Variants in ABCA3 observed in about 807,000 individuals in gnomAD.
ABCA3 encodes the protein phospholipid-transporting ATPase ABCA3.
In ABCA3, 88 loss-of-function variants were observed where a neutral mutation model predicts 172.8. That is an observed-to-expected ratio of 0.51 (90% CI 0.43 to 0.61). ABCA3 has a LOEUF of 0.61. Ranked by LOEUF, ABCA3 falls within the 20% of genes least tolerant of loss-of-function variation. The pLI is 0.00. For missense variants in ABCA3, 2,164 were observed against 2,301.0 expected (o/e 0.94, Z 1.22); for synonymous variants, 1,066 against 983.8 (o/e 1.08, Z -1.56).
chr16:2,315,813 G>A (rs2093714408), intron 10 of ABCA3, among the ~76,000 whole-genome samples: 1 of 149,296 alleles, frequency 6.7e-6, no homozygotes, highest in Non-Finnish European at 1.5e-5. Flanking sequence ...ACAGGGGCAT[G>A]CCACCACACC....
Position 2,277,611 on chromosome 16 carries a change from G to A in ABCA3, c.4969C>T (p.Leu1657Phe), listed in dbSNP as rs1596826285. 6.2e-7 allele frequency: 1 copy of A among 1,613,164 alleles called. No homozygotes were observed. The highest frequency in any genetic ancestry group is 1.3e-5 in the African/African-American group (1 of 75,064). The change falls in exon 32 of 33, where the codon CTC becomes TTC. Residue 1657 changes from leucine (L) to phenylalanine (F), a missense_variant. By Grantham distance (22) the Leu-to-Phe change is conservative. Transcript: ENST00000301732. The surrounding 1 kb of genome is among the most constrained non-coding windows in gnomAD (Gnocchi z 5.3). Reference sequence around the variant, plus strand: ...GACTGCCTCACCTTCGCCCAGCTGAGGTCACGGCCCGGCAGGTGGTAATGG... The same window carrying A: ...GACTGCCTCACCTTCGCCCAGCTGAAGTCACGGCCCGGCAGGTGGTAATGG... ...MVHYHLPGRD[L>F]SWAKVFGILE...
rs1280543306 is a variant in ABCA3 at position 2,329,779 on chromosome 16, C to T, written c.-463G>A. 2.0e-5 allele frequency: 3 copies of T among 152,288 alleles called. No homozygotes were observed. Among genetic ancestry groups the T allele is most frequent in the Non-Finnish European group, 4.4e-5 (3 of 68,128 alleles). The allele number at this position is 152,288 out of a possible 1,614,324, so 9.4% of individuals were successfully genotyped here. On this transcript the variant is annotated 5_prime_UTR_variant, in exon 2 of 33. Coordinates refer to ENST00000301732, the MANE Select transcript of ABCA3 (RefSeq NM_001089.3). The stretch of plus-strand genomic sequence containing the variant: ...AGCCTCTGGAGTGGGGCAGGGCAAC[C>T]CTGAGGTTTGGGAACACCGTGACCT...
chr16:2,282,359 A>G (rs924302382), intron 26 of ABCA3, among the ~76,000 whole-genome samples: 4 of 152,172 alleles, frequency 2.6e-5, no homozygotes, highest in African/African-American at 7.2e-5. Context: ...TCTGCTTTCT[A>G]AAGTGCTGGG....
rs201266990 is a variant in ABCA3 at position 2,308,562 on chromosome 16, G to A, written c.1173C>T (p.Phe391=). The change falls in exon 11 of 33, where the codon TTC becomes TTT. Residue 391 remains phenylalanine, a synonymous_variant. Transcript: ENST00000301732. ...LYFFTYIPYF[F]VAPRYNWMTL... ...TCATCCAGTTGTACCGAGGGGCCAC[G>A]AAGAAGTAGGGGATGTAGGTGAAGA... 19 of 1,614,214 alleles carry A rather than the reference G, an allele frequency of 1.2e-5. No individual in the cohort carries two copies. The South Asian group carries it at 1.4e-4, about 12-fold the overall frequency.
At chr16:2,306,921 A>G (rs906169273) in intron 11 of ABCA3, among the ~76,000 whole-genome samples, 1 of 148,920 alleles carries the variant, frequency 6.7e-6, no homozygotes, top group Non-Finnish European at 1.5e-5. Flanking sequence ...AGGCTGAGGC[A>G]GGAAAATGGC....
chr16:2,277,485 G>A lies in ABCA3; in HGVS notation c.4983+112C>T. ...TCAGGCTGAGTGTTAGGGGAGAAAT[G>A]GAAAGTGACTCCTCTGTGGAAAGAG... On this transcript the variant is annotated intron_variant, in intron 32 of 32. Transcript: ENST00000301732. The surrounding 1 kb of genome is among the most constrained non-coding windows in gnomAD (Gnocchi z 5.3). The A allele has an allele frequency of 1.8e-6, 2 of 1,142,842 alleles. No individual in the cohort carries two copies. Among genetic ancestry groups the A allele is most frequent in the South Asian group, 1.3e-5 (1 of 76,272 alleles). The allele number at this position is 1,142,842 out of a possible 1,614,324, so 70.8% of individuals were successfully genotyped here. A position where few individuals can be genotyped will look rare whatever the true frequency, so the allele number is the denominator to read the frequency against.
At chr16:2,293,336 G>C (rs1174635327) in intron 18 of ABCA3, among the ~76,000 whole-genome samples, 1 of 147,758 alleles carries the variant, frequency 6.8e-6, no homozygotes, top group Non-Finnish European at 1.5e-5. Context: ...CAGGCAATGA[G>C]CTACCAAGCT....
In ABCA3 at chr16:2,279,392, C is replaced by A. The variant is rs1282719083; in HGVS notation, c.4360-262G>T. Reference sequence around the variant, plus strand: ...CTCTCAGAGCCTGGTCCAGGACAGGCAGCCATGGGGTTAGGTGGTGCAAGA... The same window carrying A: ...CTCTCAGAGCCTGGTCCAGGACAGGAAGCCATGGGGTTAGGTGGTGCAAGA... On this transcript the variant is annotated intron_variant, in intron 28 of 32. Transcript: ENST00000301732. The surrounding 1 kb of genome is among the most constrained non-coding windows in gnomAD (Gnocchi z 4.4). Among the ~76,000 whole-genome samples the A allele has an allele frequency of 6.6e-6, 1 of 152,232 alleles. No individual in the cohort carries two copies. The highest frequency in any genetic ancestry group is 2.4e-5 in the African/African-American group (1 of 41,470).
intron 8 of ABCA3, among the ~76,000 whole-genome samples, chr16:2,318,693 A>G (rs774545225): frequency 1.3e-5 from 2 of 151,890 alleles, no homozygotes; most frequent in Non-Finnish European, 2.9e-5. Context: ...TTGTATTTTT[A>G]GTAGAGACAC....
At chr16:2,280,953 C>G in intron 28 of ABCA3, 74 bp downstream of exon 28, 1 of 1,593,546 alleles carries the variant, frequency 6.3e-7, no homozygotes, top group Non-Finnish European at 8.6e-7. Context: ...CAGCATCCCT[C>G]TGTCCCTGCC....
At chr16:2,301,117 G>A (rs2093688601) in intron 12 of ABCA3, among the ~76,000 whole-genome samples, 1 of 151,314 alleles carries the variant, frequency 6.6e-6, no homozygotes, top group Non-Finnish European at 1.5e-5. Context: ...TATAGTCCCA[G>A]CTACTCGGGA....
At position 2,278,557 on chromosome 16, in the gene ABCA3, C is replaced by A; in HGVS notation, c.4548-99G>T. The A allele has an allele frequency of 6.9e-7, 1 of 1,446,322 alleles. No individual in the cohort carries two copies. Among genetic ancestry groups the A allele is most frequent in the East Asian group, 2.3e-5 (1 of 42,732 alleles). 89.6% of individuals were successfully genotyped at this position (1,446,322 alleles called of 1,614,324 possible). A position where few individuals can be genotyped will look rare whatever the true frequency, so the allele number is the denominator to read the frequency against. On this transcript the variant is annotated intron_variant, in intron 29 of 32. Transcript: ENST00000301732. The surrounding 1 kb of genome is among the most constrained non-coding windows in gnomAD (Gnocchi z 4.4). ...CCGTGTCCCAGCAGCGGCCCACACCCAGCAATTGCAGAACAGCCCTAGTGA... is the reference window on the plus strand; with the variant it reads ...CCGTGTCCCAGCAGCGGCCCACACCAAGCAATTGCAGAACAGCCCTAGTGA...
rs764937311 is a variant in ABCA3 at position 2,286,240 on chromosome 16, G to A, written c.3278+454C>T. Among the ~76,000 whole-genome samples the A allele has an allele frequency of 3.3e-5, 5 of 152,074 alleles. No homozygotes were observed. Among genetic ancestry groups the A allele is most frequent in the Admixed American group, 6.5e-5 (1 of 15,282 alleles). On this transcript the variant is annotated intron_variant, in intron 22 of 32. Transcript: ENST00000301732. This position sits in a 1 kb window ranked among gnomAD's most constrained non-coding sequence, Gnocchi z 5.2. Reference sequence around the variant, plus strand: ...CTCTGGGGGCTCTGTGGCCGGCATAGGGGGTAGCCCTGCCCACACAATGGC... The same window carrying A: ...CTCTGGGGGCTCTGTGGCCGGCATAAGGGGTAGCCCTGCCCACACAATGGC...
At position 2,300,981 on chromosome 16, in the gene ABCA3, A is replaced by T. The variant is rs910509911; in HGVS notation, c.1468-833T>A. ...CACGGTGGCTCGAGCCTGTAATCCC[A>T]GCACTTTGGGAGGCCGAGGCGGGCG... is the stretch of plus-strand genomic sequence containing the variant. On this transcript the variant is annotated intron_variant, in intron 12 of 32. Transcript: ENST00000301732. Among the ~76,000 whole-genome samples, 18 of 150,194 alleles carry T rather than the reference A, an allele frequency of 1.2e-4. 1 individual carries two copies. The highest frequency in any genetic ancestry group is 7.4e-5 in the Non-Finnish European group (5 of 68,026).
In ABCA3 at chr16:2,276,551, C is replaced by A. The variant is rs1332959839; in HGVS notation, c.*123G>T. The A allele has an allele frequency of 6.7e-7, 1 of 1,487,058 alleles. No homozygotes were observed. Among genetic ancestry groups the A allele is most frequent in the African/African-American group, 1.4e-5 (1 of 71,712 alleles). The allele number at this position is 1,487,058 out of a possible 1,614,324, so 92.1% of individuals were successfully genotyped here. On this transcript the variant is annotated 3_prime_UTR_variant, in exon 33 of 33. Transcript: ENST00000301732. ...TCTGTGCATACTGCCTTGAATTTTT[C>A]ATATCCATCATAGAAAAAAGTGATT...
chr16:2,285,073 A>G lies in ABCA3; in HGVS notation c.3484-75T>C. 1.3e-6 allele frequency: 2 copies of G among 1,499,326 alleles called. No individual in the cohort carries two copies. The highest frequency in any genetic ancestry group is 1.8e-6 in the Non-Finnish European group (2 of 1,102,748). The allele number at this position is 1,499,326 out of a possible 1,614,324, so 92.9% of individuals were successfully genotyped here. A position where few individuals can be genotyped will look rare whatever the true frequency, so the allele number is the denominator to read the frequency against. On this transcript the variant is annotated intron_variant, in intron 23 of 32. Coordinates refer to ENST00000301732, the MANE Select transcript of ABCA3 (RefSeq NM_001089.3). This position sits in a 1 kb window ranked among gnomAD's most constrained non-coding sequence, Gnocchi z 4.7. ...TCACGGGTAGGGAAGGGGTGAGAGGAGCATTTGGAGGTCCTCAGACCCCTC... is the reference window on the plus strand; with the variant it reads ...TCACGGGTAGGGAAGGGGTGAGAGGGGCATTTGGAGGTCCTCAGACCCCTC...
chr16:2,313,836 A>G (rs569831296), intron 10 of ABCA3, among the ~76,000 whole-genome samples: 38 of 151,890 alleles, frequency 2.5e-4, no homozygotes, highest in African/African-American at 9.2e-4. Flanking sequence ...CGGAGGTTGC[A>G]GTGAGCCAAT....
At position 2,340,685 on chromosome 16, in the gene ABCA3, G is replaced by A. The variant is rs912092274; in HGVS notation, c.-651C>T. 2.0e-5 allele frequency: 3 copies of A among 150,308 alleles called. No individual in the cohort carries two copies. The highest frequency in any genetic ancestry group is 7.3e-5 in the African/African-American group (3 of 41,254). 9.3% of individuals were successfully genotyped at this position (150,308 alleles called of 1,614,324 possible). A position where few individuals can be genotyped will look rare whatever the true frequency, so the allele number is the denominator to read the frequency against. ...CGCAGTGGCGGCGGCACTGACAGCT[G>A]CGTGGCCGCCCTGGAGGGGAGGGTG... On this transcript the variant is annotated 5_prime_UTR_variant, in exon 1 of 33. Transcript: ENST00000301732.
At position 2,332,541 on chromosome 16, in the gene ABCA3, A is replaced by G. The variant is rs2093744998; in HGVS notation, c.-538-2687T>C. On this transcript the variant is annotated intron_variant, in intron 1 of 32. Transcript: ENST00000301732. ...GGGCCACATGACCACCACCCTCCACACGGACACGAATGTCCACACCAGCAA... is the reference window on the plus strand; with the variant it reads ...GGGCCACATGACCACCACCCTCCACGCGGACACGAATGTCCACACCAGCAA... 3.8e-6 allele frequency: 4 copies of G among 1,055,208 alleles called. No individual in the cohort carries two copies. The South Asian group carries it at 5.2e-5, about 14-fold the overall frequency. 65.4% of individuals were successfully genotyped at this position (1,055,208 alleles called of 1,614,324 possible). A position where few individuals can be genotyped will look rare whatever the true frequency, so the allele number is the denominator to read the frequency against.
Sources: allele counts gnomAD v4.1 joint callset (sites outside exome capture counted in the v4.1 genomes callset), GRCh38; gene constraint gnomAD v4.1.1; non-coding constraint Gnocchi (gnomAD v3.1); transcripts MANE v1.5; gene names NCBI Gene and HGNC (gene_info 2026-07-23, HGNC 2026-07-21).